The following SOX6 variants were observed in gnomAD, a reference collection of about 807,000 sequenced individuals.
SOX6 encodes the protein SRY-box transcription factor 6, also known as transcription factor SOX-6.
A neutral mutation model predicts 97.8 loss-of-function variants in SOX6; 11 were observed. The observed-to-expected ratio is 0.11, with a 90% CI of 0.07 to 0.19. The LOEUF (loss-of-function observed/expected upper bound fraction) is 0.19. Among genes scored for constraint, SOX6 ranks in the 10% least tolerant of loss-of-function variants. The pLI is 1.00. For synonymous variants in SOX6, 360 were observed against 371.4 expected, an observed-to-expected ratio of 0.97 and a Z score of 0.35; for missense variants, 810 against 1,039.5, an observed-to-expected ratio of 0.78 and a Z score of 3.04.
chr11:16,532,852 A>T (rs1313595839), intron 4 of SOX6, among the ~76,000 whole-genome samples: 1 of 151,890 alleles, frequency 6.6e-6, no homozygotes, highest in Non-Finnish European at 1.5e-5. Context: ...CAAATTTACA[A>T]AGTGTAATCA....
At position 16,533,796 on chromosome 11, in the gene SOX6, A is replaced by G. The variant is rs1861270237; in HGVS notation, n.610-57408T>C. ...TAAATTTGTGTCATTTTTTAAAATA[A>G]ACATATATTTCCTTCAGTTTTATTT... On this transcript the variant is annotated intron_variant and non_coding_transcript_variant, in intron 4 of 5. Coordinates refer to the SOX6 transcript ENST00000524520. 2.6e-5 allele frequency among the ~76,000 whole-genome samples: 4 copies of G among 152,218 alleles called. No homozygotes were observed. The South Asian group carries it at 8.3e-4, about 32-fold the overall frequency.
At chr11:16,366,911 G>C (rs1028345266) in intron 1 of SOX6, among the ~76,000 whole-genome samples, 2 of 152,024 alleles carry the variant, frequency 1.3e-5, no homozygotes, top group Non-Finnish European at 2.9e-5. Flanking sequence ...AGCTCTATTA[G>C]GTCAGCAGAA....
intron 3 of SOX6, among the ~76,000 whole-genome samples, chr11:16,635,020 T>A (rs1485475793): frequency 6.6e-6 from 1 of 152,188 alleles, no homozygotes; most frequent in Non-Finnish European, 1.5e-5. Context: ...TGAGGCCTCC[T>A]CTGCCCTGCA....
At chr11:16,724,725 G>C (rs1848293354) in intron 2 of SOX6, among the ~76,000 whole-genome samples, 1 of 152,180 alleles carries the variant, frequency 6.6e-6, no homozygotes, top group African/African-American at 2.4e-5. Flanking sequence ...AGACTTTAGT[G>C]CATGTGTGTG....
intron 1 of SOX6, among the ~76,000 whole-genome samples, chr11:16,396,080 G>C (rs775133637): frequency 8.1e-4 from 123 of 151,718 alleles, no homozygotes; most frequent in Non-Finnish European, 1.5e-3. Context: ...TTTGTTTCCT[G>C]AGCCTTTATT....
intron 6 of SOX6, among the ~76,000 whole-genome samples, chr11:16,137,727 TGTA>T (rs1850010870): frequency 1.3e-5 from 2 of 152,176 alleles, no homozygotes; most frequent in Admixed American, 1.3e-4. Context: ...CATCCTGAAT[TGTA>T]GTTCCTATAA....
chr11:16,518,624 C>T (rs969432230), intron 4 of SOX6, among the ~76,000 whole-genome samples: 5 of 152,100 alleles, frequency 3.3e-5, no homozygotes, highest in Non-Finnish European at 5.9e-5. Context: ...ATGGAAAATC[C>T]TTACGCAAAC....
chr11:16,388,572 C>T (rs538558816), intron 1 of SOX6, among the ~76,000 whole-genome samples: 108 of 152,066 alleles, frequency 7.1e-4, no homozygotes, highest in Non-Finnish European at 1.1e-3. Flanking sequence ...TGAACAAATT[C>T]AGTTTCTTAT....
chr11:16,686,708 C>G (rs1394676303), intron 3 of SOX6, among the ~76,000 whole-genome samples: 1 of 152,218 alleles, frequency 6.6e-6, no homozygotes, highest in Non-Finnish European at 1.5e-5. Context: ...CTGCTCATTA[C>G]CAAATTCCAG....
chr11:16,341,288 G>A, intron 1 of SOX6, 36 bp from the exon 2 acceptor site: 4 of 1,608,858 alleles, frequency 2.5e-6, no homozygotes, highest in Non-Finnish European at 3.4e-6. Context: ...AAAAATGGCT[G>A]TCAATAACAA....
chr11:16,487,676 G>GA (rs1295508222), intron 4 of SOX6, among the ~76,000 whole-genome samples: 1 of 152,116 alleles, frequency 6.6e-6, no homozygotes, highest in African/African-American at 2.4e-5. Flanking sequence ...CAGACGTATA[G>GA]AAAAAACTAA....
intron 3 of SOX6, among the ~76,000 whole-genome samples, chr11:16,659,568 T>C: frequency 6.6e-6 from 1 of 152,204 alleles, no homozygotes; most frequent in East Asian, 1.9e-4. Context: ...CACAAAATAA[T>C]GGTGGGCTTT....
intron 7 of SOX6, among the ~76,000 whole-genome samples, chr11:16,108,710 G>A (rs556467610): frequency 7.1e-4 from 108 of 152,320 alleles, no homozygotes; most frequent in African/African-American, 1.8e-3. Flanking sequence ...ATGCTGTCCT[G>A]GAGCTGAACA....
chr11:16,292,556 ATGTAATCTCTAAAC>A (rs1014899399), intron 3 of SOX6, among the ~76,000 whole-genome samples: 1 of 152,150 alleles, frequency 6.6e-6, no homozygotes, highest in African/African-American at 2.4e-5. Flanking sequence ...ATCCCCCAAA[ATGTAATCTCTAAAC>A]TGAAGAATGG....
chr11:16,596,038 T>G (rs542107834), intron 4 of SOX6, among the ~76,000 whole-genome samples: 3 of 152,082 alleles, frequency 2.0e-5, no homozygotes, highest in Non-Finnish European at 2.9e-5. Flanking sequence ...TTGGAAAAAC[T>G]TAATTATAAA....
At chr11:16,240,627 A>C (rs529653838) in intron 3 of SOX6, among the ~76,000 whole-genome samples, 38 of 152,080 alleles carry the variant, frequency 2.5e-4, no homozygotes, top group African/African-American at 8.7e-4. Flanking sequence ...CAATAACAGA[A>C]ATTGTTCAAA....
At chr11:16,247,785 CT>C (rs1853384126) in intron 3 of SOX6, among the ~76,000 whole-genome samples, 1 of 152,106 alleles carries the variant, frequency 6.6e-6, no homozygotes, top group African/African-American at 2.4e-5. Context: ...CATTTTGCCC[CT>C]GGTCCCTCCC....
In SOX6 at chr11:16,132,420, AG is replaced by A. The variant is rs1849816201; in HGVS notation, c.778-20498del. On this transcript the variant is annotated intron_variant, in intron 6 of 15. Coordinates refer to ENST00000683767, the MANE Select transcript of SOX6 (RefSeq NM_001367873.1). Reference sequence around the variant, plus strand: ...AAAGAAAAAAGAAAGAAAGAAAGAAAGAAAGAAAGAAAGAAAGAAAGAAAAA... The same window carrying A: ...AAAGAAAAAAGAAAGAAAGAAAGAAAAAAGAAAGAAAGAAAGAAAGAAAAA... 7.2e-5 allele frequency among the ~76,000 whole-genome samples: 8 copies of A among 111,260 alleles called. 1 individual carries two copies. The highest frequency in any genetic ancestry group is 8.3e-4 in the East Asian group (2 of 2,402). The allele number at this position is 111,260 out of a possible 152,430, so 73.0% of individuals were successfully genotyped here.
intron 3 of SOX6, among the ~76,000 whole-genome samples, chr11:16,614,632 C>A (rs896876611): frequency 1.3e-5 from 2 of 152,208 alleles, no homozygotes; most frequent in African/African-American, 2.4e-5. Context: ...GGCTTAAGAA[C>A]CTCCTAGCTA....
Sources: allele counts gnomAD v4.1 joint callset (sites outside exome capture counted in the v4.1 genomes callset), GRCh38; gene constraint gnomAD v4.1.1; transcripts MANE v1.5; gene names NCBI Gene and HGNC (gene_info 2026-07-23, HGNC 2026-07-21).